Variants in HYCC2 observed in about 807,000 individuals in gnomAD.
The protein encoded by HYCC2 is hyccin PI4KA lipid kinase complex subunit 2.
the HYCC2 span, among the ~76,000 whole-genome samples, chr2:201,030,030 T>C: frequency 6.6e-6 from 1 of 152,138 alleles, no homozygotes; most frequent in Admixed American, 6.5e-5. Context: ...AAGGCTCCAG[T>C]GAGCTATGAC....
chr2:201,004,855 A>C, the HYCC2 span, among the ~76,000 whole-genome samples: 1 of 152,010 alleles, frequency 6.6e-6, no homozygotes, highest in Non-Finnish European at 1.5e-5. Context: ...GTCTCTACTA[A>C]AAGTACAAAA....
chr2:200,998,235 T>C, the HYCC2 span, among the ~76,000 whole-genome samples: 7 of 152,312 alleles, frequency 4.6e-5, no homozygotes, highest in East Asian at 1.4e-3. Flanking sequence ...CAACCACATA[T>C]ACCACACTTT....
chr2:201,007,159 C>T, the HYCC2 span, among the ~76,000 whole-genome samples: 2 of 152,062 alleles, frequency 1.3e-5, no homozygotes, highest in African/African-American at 4.8e-5. Flanking sequence ...TGAGCCTTGG[C>T]CAAAGACCAG....
chr2:201,068,462 C>G, the HYCC2 span, among the ~76,000 whole-genome samples: 1 of 152,186 alleles, frequency 6.6e-6, no homozygotes, highest in African/African-American at 2.4e-5. Flanking sequence ...GGCACTTCCA[C>G]TCTGAAGTGG....
At chr2:201,014,682 T>A in the HYCC2 span, among the ~76,000 whole-genome samples, 3 of 152,204 alleles carry the variant, frequency 2.0e-5, no homozygotes, top group Non-Finnish European at 2.9e-5. Context: ...TGCTAATGAT[T>A]TTTTAAAGTA....
At chr2:201,056,746 C>T in the HYCC2 span, among the ~76,000 whole-genome samples, 3 of 151,908 alleles carry the variant, frequency 2.0e-5, no homozygotes, top group South Asian at 2.1e-4. Context: ...GTATTCAAAG[C>T]GTCTGTGGTA....
the HYCC2 span, among the ~76,000 whole-genome samples, chr2:201,010,590 G>A: frequency 1.3e-5 from 2 of 152,022 alleles, no homozygotes; most frequent in Non-Finnish European, 2.9e-5. Flanking sequence ...AAAGTATAAT[G>A]TACTGAACAC....
the HYCC2 span, among the ~76,000 whole-genome samples, chr2:200,998,449 G>A: frequency 6.6e-6 from 1 of 152,088 alleles, no homozygotes; most frequent in African/African-American, 2.4e-5. Context: ...TACCTCTGTA[G>A]CTCTAACATA....
At chr2:200,995,170 G>C in the HYCC2 span, among the ~76,000 whole-genome samples, 1 of 152,118 alleles carries the variant, frequency 6.6e-6, no homozygotes, top group Non-Finnish European at 1.5e-5. Context: ...TTAGAGACAA[G>C]AATTTTGTTA....
chr2:201,065,234 AT>A, the HYCC2 span, among the ~76,000 whole-genome samples: 2 of 152,156 alleles, frequency 1.3e-5, no homozygotes, highest in African/African-American at 4.8e-5. Context: ...CAATTTTGAG[AT>A]TTTTTTCACT....
At chr2:201,011,580 C>T in the HYCC2 span, 1 of 607,112 alleles carries the variant, frequency 1.6e-6, no homozygotes, top group South Asian at 3.0e-5. Context: ...GAAGATTTTT[C>T]AGAAACAGTA....
the HYCC2 span, chr2:200,981,615 A>G: frequency 3.7e-6 from 6 of 1,614,062 alleles, no homozygotes; most frequent in Non-Finnish European, 5.1e-6. This position sits in a 1 kb window ranked among gnomAD's most constrained non-coding sequence, Gnocchi z 4.5. Context: ...CTGAATCTAC[A>G]CTAAGATCAG....
the HYCC2 span, among the ~76,000 whole-genome samples, chr2:201,059,081 G>C: frequency 6.6e-6 from 1 of 152,154 alleles, no homozygotes; most frequent in African/African-American, 2.4e-5. Flanking sequence ...TCAAGCCTGA[G>C]TGACTGCTAC....
chr2:200,988,408 A>T, the HYCC2 span: 1 of 1,612,046 alleles, frequency 6.2e-7, no homozygotes, highest in Non-Finnish European at 8.5e-7. Context: ...TGAGTTTTTC[A>T]TGGCATTGGC....
At chr2:201,035,412 C>A in the HYCC2 span, among the ~76,000 whole-genome samples, 1 of 152,168 alleles carries the variant, frequency 6.6e-6, no homozygotes, top group Non-Finnish European at 1.5e-5. Flanking sequence ...GAGGCTTGTG[C>A]ATTCGTCACG....
At chr2:200,987,448 C>T in the HYCC2 span, 7 of 1,289,724 alleles carry the variant, frequency 5.4e-6, no homozygotes, top group East Asian at 5.5e-5. Flanking sequence ...CTCTTGCACA[C>T]GTTTGATCCC....
chr2:201,042,166 C>G, the HYCC2 span, among the ~76,000 whole-genome samples: 3 of 152,194 alleles, frequency 2.0e-5, no homozygotes, highest in Non-Finnish European at 2.9e-5. Flanking sequence ...CCGTGTTGGC[C>G]GGGCTGGTCT....
chr2:201,049,695 C>T, the HYCC2 span, among the ~76,000 whole-genome samples: 6 of 151,870 alleles, frequency 4.0e-5, no homozygotes, highest in Non-Finnish European at 7.4e-5. Flanking sequence ...TAGTCAGCCA[C>T]AAGAGAAGTT....
chr2:201,042,705 C>A, the HYCC2 span, among the ~76,000 whole-genome samples: 3 of 150,364 alleles, frequency 2.0e-5, no homozygotes, highest in African/African-American at 7.4e-5. Flanking sequence ...AGCTGGGGGG[C>A]AGCCCCCGCC....
Sources: allele counts gnomAD v4.1 joint callset (sites outside exome capture counted in the v4.1 genomes callset), GRCh38; gene constraint gnomAD v4.1.1; non-coding constraint Gnocchi (gnomAD v3.1); transcripts MANE v1.5; gene names NCBI Gene and HGNC (gene_info 2026-07-23, HGNC 2026-07-21).